The following TASP1 variants were observed in gnomAD, a reference collection of about 807,000 sequenced individuals.
TASP1 encodes the protein threonine aspartase 1.
In TASP1, 16 loss-of-function variants were observed where a neutral mutation model predicts 56.6. That is an observed-to-expected ratio of 0.28 (90% confidence interval 0.19 to 0.43). The LOEUF (loss-of-function observed/expected upper bound fraction) is 0.43, where lower values mean the gene tolerates loss of function less well. TASP1 is among the 20% of genes least tolerant of loss of function. TASP1 has a pLI of 1.00. For synonymous variants in TASP1, 179 were observed against 184.2 expected, an observed-to-expected ratio of 0.97 and a Z score of 0.23; for missense variants, 393 against 511.6, an observed-to-expected ratio of 0.77 and a Z score of 2.24.
At chr20:13,294,141 G>A in the TASP1 span, among the ~76,000 whole-genome samples, 1 of 152,124 alleles carries the variant, frequency 6.6e-6, no homozygotes, top group African/African-American at 2.4e-5. Context: ...GATGTTCTGG[G>A]TTTCTAAGAG....
chr20:13,365,573 G>C, the TASP1 span, among the ~76,000 whole-genome samples: 3 of 152,218 alleles, frequency 2.0e-5, no homozygotes, highest in Non-Finnish European at 2.9e-5. Flanking sequence ...ACAGTCACAG[G>C]GAGTGACAGG....
intron 7 of TASP1, among the ~76,000 whole-genome samples, chr20:13,568,866 T>C (rs1711580171): frequency 6.6e-6 from 1 of 152,274 alleles, no homozygotes; most frequent in Non-Finnish European, 1.5e-5. Flanking sequence ...CCAGGAGTAA[T>C]ATGTTTTAAA....
chr20:13,160,434 T>A, the TASP1 span, among the ~76,000 whole-genome samples: 1 of 152,166 alleles, frequency 6.6e-6, no homozygotes, highest in Non-Finnish European at 1.5e-5. Flanking sequence ...CAAAAGCTGG[T>A]CTAAAATGCT....
chr20:13,198,796 T>G, the TASP1 span, among the ~76,000 whole-genome samples: 24 of 6,034 alleles, frequency 4.0e-3, no homozygotes, highest in South Asian at 0.096. Flanking sequence ...TTCTTTGTCT[T>G]TCTTTCTTTC....
At chr20:13,183,081 T>C in the TASP1 span, among the ~76,000 whole-genome samples, 4,691 of 152,306 alleles carry the variant, frequency 0.031, 231 homozygotes, top group African/African-American at 0.11. Context: ...CATAGGACAA[T>C]AGCAAACATG....
the TASP1 span, among the ~76,000 whole-genome samples, chr20:13,226,129 A>G: frequency 6.6e-6 from 1 of 152,170 alleles, no homozygotes; most frequent in African/African-American, 2.4e-5. Context: ...ATAACATTAA[A>G]GCAAACCAAA....
At chr20:13,468,460 G>T (rs2044348963) in intron 11 of TASP1, among the ~76,000 whole-genome samples, 1 of 152,114 alleles carries the variant, frequency 6.6e-6, no homozygotes, top group Non-Finnish European at 1.5e-5. Flanking sequence ...AAAAGTCATA[G>T]TTATTTTCAA....
the TASP1 span, among the ~76,000 whole-genome samples, chr20:13,219,605 A>C: frequency 6.6e-6 from 1 of 152,140 alleles, no homozygotes; most frequent in African/African-American, 2.4e-5. Flanking sequence ...CACCCAAAAA[A>C]AAATAATGAA....
chr20:13,540,099 G>A (rs1381646272), intron 8 of TASP1, among the ~76,000 whole-genome samples: 1 of 152,136 alleles, frequency 6.6e-6, no homozygotes, highest in Non-Finnish European at 1.5e-5. Flanking sequence ...TATACCCATA[G>A]TGAACCACTG....
the TASP1 span, chr20:13,221,783 C>A: frequency 6.9e-7 from 1 of 1,448,750 alleles, no homozygotes; most frequent in Non-Finnish European, 9.0e-7. Flanking sequence ...AAGGATGGTG[C>A]GCCTGGCGGC....
the TASP1 span, among the ~76,000 whole-genome samples, chr20:13,298,570 TAA>T: frequency 6.6e-6 from 1 of 152,194 alleles, no homozygotes; most frequent in African/African-American, 2.4e-5. Context: ...CAACATTTTT[TAA>T]AAGATAAAAC....
chr20:13,374,267 G>A, the TASP1 span, among the ~76,000 whole-genome samples: 30 of 152,114 alleles, frequency 2.0e-4, no homozygotes, highest in African/African-American at 7.0e-4. Context: ...ACTATTTTGT[G>A]TGTGTGAGCA....
chr20:13,141,073 A>G, the TASP1 span, among the ~76,000 whole-genome samples: 1 of 152,342 alleles, frequency 6.6e-6, no homozygotes, highest in Non-Finnish European at 1.5e-5. Context: ...ACAGGGACTA[A>G]GTGGGAAGAT....
intron 7 of TASP1, among the ~76,000 whole-genome samples, chr20:13,561,878 CA>C (rs78221547): frequency 0.012 from 1,859 of 149,656 alleles, 49 homozygotes; most frequent in African/African-American, 0.042. Flanking sequence ...ATTGTAACCA[CA>C]AAAAAAAATA....
intron 12 of TASP1, among the ~76,000 whole-genome samples, chr20:13,428,627 A>G (rs1354578255): frequency 6.6e-6 from 1 of 152,096 alleles, no homozygotes; most frequent in Non-Finnish European, 1.5e-5. Flanking sequence ...TCAGCATCTC[A>G]TGATCTGGGG....
chr20:13,552,593 T>G (rs2046015884), intron 8 of TASP1, among the ~76,000 whole-genome samples: 3 of 152,034 alleles, frequency 2.0e-5, no homozygotes, highest in African/African-American at 7.2e-5. Flanking sequence ...CCAGAGGAAG[T>G]GACATTGGCA....
At chr20:13,608,395 G>C (rs2048234528) in intron 4 of TASP1, among the ~76,000 whole-genome samples, 1 of 152,194 alleles carries the variant, frequency 6.6e-6, no homozygotes, top group Non-Finnish European at 1.5e-5. Flanking sequence ...CACAGGTTAA[G>C]AGTCATTAAT....
chr20:13,311,027 C>T, the TASP1 span, among the ~76,000 whole-genome samples: 1 of 152,150 alleles, frequency 6.6e-6, no homozygotes, highest in Non-Finnish European at 1.5e-5. Context: ...AACCCCATCT[C>T]TACTGAAAAT....
the TASP1 span, chr20:13,110,092 T>C: frequency 6.3e-7 from 1 of 1,578,166 alleles, no homozygotes. Context: ...CTCAATTTTT[T>C]TTTTTGGTAT....
Sources: allele counts gnomAD v4.1 joint callset (sites outside exome capture counted in the v4.1 genomes callset), GRCh38; gene constraint gnomAD v4.1.1; transcripts MANE v1.5; gene names NCBI Gene and HGNC (gene_info 2026-07-23, HGNC 2026-07-21).